The following ATRNL1 variants were observed in gnomAD, a reference collection of about 807,000 sequenced individuals.
The protein encoded by ATRNL1 is attractin like 1, also known as attractin-like protein 1.
ATRNL1 carries 95 observed loss-of-function variants against 182.7 expected under a neutral mutation model. The observed-to-expected ratio is 0.52, with a 90% CI of 0.44 to 0.62. The LOEUF is 0.62. Among genes scored for constraint, ATRNL1 ranks in the 20% least tolerant of loss-of-function variants. The pLI is 0.00. For synonymous variants in ATRNL1, 576 were observed against 568.3 expected, an observed-to-expected ratio of 1.01 and a Z score of -0.19; for missense variants, 1,471 against 1,679.5, an observed-to-expected ratio of 0.88 and a Z score of 2.17.
At chr10:115,580,521 C>T (rs11815570) in intron 26 of ATRNL1, among the ~76,000 whole-genome samples, 10 of 151,978 alleles carry the variant, frequency 6.6e-5, no homozygotes, top group South Asian at 2.1e-4. Context: ...AAAATTCTCT[C>T]GGTCTTTAAC....
chr10:115,357,669 C>T (rs1323494972), intron 19 of ATRNL1, among the ~76,000 whole-genome samples: 1 of 151,374 alleles, frequency 6.6e-6, no homozygotes, highest in Non-Finnish European at 1.5e-5. Context: ...TTTTATCTTA[C>T]CTTTACTTTA....
chr10:115,406,958 C>A (rs1844861882), intron 20 of ATRNL1, among the ~76,000 whole-genome samples: 1 of 152,014 alleles, frequency 6.6e-6, no homozygotes. Flanking sequence ...ATTCAGATAG[C>A]CAGTTGGTCA....
chr10:115,325,913 T>C (rs1040125572), intron 18 of ATRNL1, among the ~76,000 whole-genome samples: 5 of 152,118 alleles, frequency 3.3e-5, no homozygotes, highest in Non-Finnish European at 7.4e-5. Context: ...TTTTAATGAT[T>C]CTTCCAAATG....
At chr10:115,683,502 TA>T (rs1946115923) in intron 26 of ATRNL1, among the ~76,000 whole-genome samples, 1 of 144,096 alleles carries the variant, frequency 6.9e-6, no homozygotes, top group African/African-American at 2.5e-5. Context: ...TCTGTGTTGA[TA>T]GAAACCCTAC....
chr10:115,831,141 G>T (rs1299556084), intron 27 of ATRNL1, among the ~76,000 whole-genome samples: 1 of 152,112 alleles, frequency 6.6e-6, no homozygotes, highest in African/African-American at 2.4e-5. Context: ...ACACGGATGG[G>T]CTGGTTGGTT....
chr10:115,790,889 G>C (rs1349428254), intron 27 of ATRNL1, among the ~76,000 whole-genome samples: 1 of 152,094 alleles, frequency 6.6e-6, no homozygotes, highest in Non-Finnish European at 1.5e-5. Flanking sequence ...ATGTTCGGGG[G>C]TTTTTAAATG....
At chr10:115,103,148 G>A (rs10885651) in intron 1 of ATRNL1, among the ~76,000 whole-genome samples, 32,843 of 150,134 alleles carry the variant, frequency 0.22, 4,568 homozygotes, top group Non-Finnish European at 0.31. Context: ...CGCGATTCTC[G>A]TGCCTCAGCC....
chr10:115,710,533 T>C (rs1188739229), intron 26 of ATRNL1, among the ~76,000 whole-genome samples: 1 of 152,164 alleles, frequency 6.6e-6, no homozygotes, highest in Non-Finnish European at 1.5e-5. Context: ...CACTGAAAGC[T>C]GAAGATGTGA....
chr10:115,696,135 T>G (rs12261735), intron 26 of ATRNL1, among the ~76,000 whole-genome samples: 1,763 of 112,018 alleles, frequency 0.016, 33 homozygotes, highest in African/African-American at 0.043. Flanking sequence ...CCTGAGCTCG[T>G]GATCCGCCTG....
At chr10:115,575,880 G>C (rs1346260206) in intron 26 of ATRNL1, among the ~76,000 whole-genome samples, 1 of 151,900 alleles carries the variant, frequency 6.6e-6, no homozygotes, top group Non-Finnish European at 1.5e-5. Context: ...TTTGTACTTT[G>C]ATGAATATCT....
At chr10:115,256,105 T>G (rs965918922) in intron 10 of ATRNL1, among the ~76,000 whole-genome samples, 8 of 152,170 alleles carry the variant, frequency 5.3e-5, no homozygotes, top group African/African-American at 7.2e-5. Flanking sequence ...TCTCTTTTTT[T>G]GTTGTGTCTC....
intron 19 of ATRNL1, among the ~76,000 whole-genome samples, chr10:115,391,781 C>G (rs1267051042): frequency 6.6e-6 from 1 of 151,736 alleles, no homozygotes; most frequent in African/African-American, 2.4e-5. Context: ...CCTAACATCA[C>G]TCCTCTAGAG....
intron 19 of ATRNL1, among the ~76,000 whole-genome samples, chr10:115,354,176 T>G (rs1308496106): frequency 1.4e-5 from 2 of 144,824 alleles, no homozygotes; most frequent in African/African-American, 5.2e-5. Context: ...TGATAGTGTG[T>G]TTTATACGTG....
intron 27 of ATRNL1, among the ~76,000 whole-genome samples, chr10:115,749,442 A>G (rs1280641424): frequency 6.6e-6 from 1 of 151,890 alleles, no homozygotes; most frequent in African/African-American, 2.4e-5. Flanking sequence ...AAATTTATAC[A>G]TAGTTTTCAT....
chr10:115,740,494 CCTAT>C (rs35903471), intron 27 of ATRNL1, among the ~76,000 whole-genome samples: 1 of 150,634 alleles, frequency 6.6e-6, no homozygotes, highest in Non-Finnish European at 1.5e-5. Context: ...ATATCAAGAT[CCTAT>C]CTATCTATCT....
At position 115,442,303 on chromosome 10, in the gene ATRNL1, C is replaced by CTCTCTCTCTCTCTTTCTCTCTGTG. The variant is rs782157017; in HGVS notation, c.3322+16002_3322+16003insCTCTCTCTCTCTTTCTCTCTGTGT. On this transcript the variant is annotated intron_variant, in intron 21 of 28. Coordinates refer to ENST00000355044, the MANE Select transcript of ATRNL1 (RefSeq NM_207303.4). The stretch of plus-strand genomic sequence containing the variant: ...TCTCTCTCTCTCTCTCTCTCTCTCT[C>CTCTCTCTCTCTCTTTCTCTCTGTG]TGTGTGTATGTGTGTGTGTAAACAA... Among the ~76,000 whole-genome samples, 3 of 123,766 alleles carry CTCTCTCTCTCTCTTTCTCTCTGTG rather than the reference C, an allele frequency of 2.4e-5. 1 individual carries two copies. Among genetic ancestry groups the CTCTCTCTCTCTCTTTCTCTCTGTG allele is most frequent in the Non-Finnish European group, 5.2e-5 (3 of 57,962 alleles). The allele number at this position is 123,766 out of a possible 152,430, so 81.2% of individuals were successfully genotyped here. A position where few individuals can be genotyped will look rare whatever the true frequency, so the allele number is the denominator to read the frequency against.
intron 24 of ATRNL1, among the ~76,000 whole-genome samples, chr10:115,512,888 C>T (rs1850458047): frequency 6.6e-6 from 1 of 151,948 alleles, no homozygotes; most frequent in Non-Finnish European, 1.5e-5. Context: ...CCCTACATCA[C>T]TTAAGAATGA....
intron 28 of ATRNL1, among the ~76,000 whole-genome samples, chr10:115,901,170 A>G (rs540190356): frequency 3.3e-5 from 5 of 152,178 alleles, no homozygotes; most frequent in Non-Finnish European, 7.4e-5. Flanking sequence ...TGGTCCTACT[A>G]TGTAAAAATT....
At chr10:115,366,497 T>A (rs1189769622) in intron 19 of ATRNL1, among the ~76,000 whole-genome samples, 1 of 152,158 alleles carries the variant, frequency 6.6e-6, no homozygotes, top group Non-Finnish European at 1.5e-5. Context: ...GTCTTTTAAT[T>A]GGAGCGTTTA....
Sources: gnomAD v4.1 joint callset for allele counts (sites outside exome capture counted in the v4.1 genomes callset) on GRCh38, gnomAD v4.1.1 for gene constraint, MANE v1.5 for transcripts, NCBI Gene and HGNC (gene_info 2026-07-23, HGNC 2026-07-21) for gene names.